YTHDC2: variants seen among roughly 807,000 people sequenced by gnomAD.
The protein encoded by YTHDC2 is YTH N6-methyladenosine RNA binding protein C2.
Under a neutral mutation model 174.9 loss-of-function variants are expected in YTHDC2, and 45 were observed. That is an observed-to-expected ratio of 0.26 (90% CI 0.20 to 0.33). The LOEUF is 0.33. YTHDC2 is among the 10% of genes least tolerant of loss of function. YTHDC2 has a pLI of 1.00. For synonymous variants in YTHDC2, 657 were observed against 574.5 expected, an observed-to-expected ratio of 1.14 and a Z score of -2.05; for missense variants, 1,650 against 1,723.7, an observed-to-expected ratio of 0.96 and a Z score of 0.76.
chr5:113,578,628 G>A (rs974503796), intron 23 of YTHDC2, among the ~76,000 whole-genome samples: 1 of 152,064 alleles, frequency 6.6e-6, no homozygotes, highest in African/African-American at 2.4e-5. Context: ...AGGCTGACCT[G>A]TAGGGTTTGT....
chr5:113,548,900 A>T, intron 11 of YTHDC2, 55 bp from the exon 12 acceptor site: 1 of 1,539,462 alleles, frequency 6.5e-7, no homozygotes, highest in Non-Finnish European at 8.8e-7. Context: ...CAGGCTCATC[A>T]TGAACTAGTT....
chr5:113,563,913 G>C lies in YTHDC2; in HGVS notation c.2497G>C (p.Ala833Pro). 6.2e-7 allele frequency: 1 copy of C among 1,614,082 alleles called. No individual in the cohort carries two copies. The highest frequency in any genetic ancestry group is 8.5e-7 in the Non-Finnish European group (1 of 1,180,016). The change falls in exon 20 of 30, where the codon GCT (alanine) becomes CCT (proline). Residue 833 changes from alanine to proline, a missense_variant. Around this residue, in one of 5 missense-constraint regions of YTHDC2, gnomAD observed 913 missense variants for 940.4 expected, o/e 0.97. Transcript: ENST00000161863. ...EDLTELGYHL[A>P]DLPVEPHLGK... The stretch of plus-strand genomic sequence containing the variant: ...TCTGACTGAACTTGGGTATCATTTG[G>C]CTGACTTGCCAGTAGAACCACATCT...
intron 2 of YTHDC2, among the ~76,000 whole-genome samples, chr5:113,519,995 G>C (rs1449160084): frequency 1.3e-5 from 2 of 152,122 alleles, no homozygotes; most frequent in African/African-American, 2.4e-5. Flanking sequence ...CAACTCATCA[G>C]CTAGGTTTTA....
rs142582642 is a variant in YTHDC2 at position 113,553,294 on chromosome 5, A to G, written c.1802A>G (p.Asp601Gly). 1.2e-6 allele frequency: 2 copies of G among 1,611,722 alleles called. No homozygotes were observed. The highest frequency in any genetic ancestry group is 2.7e-5 in the African/African-American group (2 of 74,704). Reference sequence around the variant, plus strand: ...AAAGCTTATCATCATAGTTTCGATGATGAAAAAGTAGACTTGGATTTGATC... The same window carrying G: ...AAAGCTTATCATCATAGTTTCGATGGTGAAAAAGTAGACTTGGATTTGATC... ...LLKAYHHSFD[D>G]EKVDLDLIMH... The change falls in exon 13 of 30, where the codon GAT becomes GGT. Residue 601 changes from aspartate to glycine, a missense_variant. Around this residue, in one of 5 missense-constraint regions of YTHDC2, gnomAD observed 411 missense variants for 380.6 expected, o/e 1.08. Transcript: ENST00000161863.
chr5:113,561,815 A>G (rs1038847392), intron 18 of YTHDC2, among the ~76,000 whole-genome samples: 3 of 151,994 alleles, frequency 2.0e-5, no homozygotes, highest in African/African-American at 7.3e-5. Flanking sequence ...TATAGTGTTC[A>G]CCTTTTAAGT....
chr5:113,544,504 G>A (rs950319747), intron 10 of YTHDC2, among the ~76,000 whole-genome samples: 9 of 152,096 alleles, frequency 5.9e-5, no homozygotes, highest in Non-Finnish European at 8.8e-5. Flanking sequence ...GTTGGAACAT[G>A]TTTAGTGACA....
At chr5:113,517,550 C>T (rs912602609) in intron 2 of YTHDC2, 17 of 455,860 alleles carry the variant, frequency 3.7e-5, no homozygotes, top group African/African-American at 1.4e-4. Flanking sequence ...ATGGGGAATG[C>T]GGAAACATTG....
chr5:113,578,139 G>A (rs1778178487), intron 23 of YTHDC2, among the ~76,000 whole-genome samples: 1 of 151,988 alleles, frequency 6.6e-6, no homozygotes, highest in Admixed American at 6.6e-5. Flanking sequence ...TTTAATAAAA[G>A]TGTCCCTTTT....
chr5:113,529,124 T>G (rs888626130), intron 4 of YTHDC2, among the ~76,000 whole-genome samples: 1 of 152,216 alleles, frequency 6.6e-6, no homozygotes, highest in African/African-American at 2.4e-5. Context: ...AACATTTTTG[T>G]TATGATAATA....
intron 21 of YTHDC2, among the ~76,000 whole-genome samples, chr5:113,566,861 A>G (rs180758032): frequency 1.6e-3 from 234 of 142,186 alleles, no homozygotes; most frequent in Non-Finnish European, 3.0e-3. Flanking sequence ...TGATTCTTAT[A>G]CTTAATCTAA....
In YTHDC2 at chr5:113,553,912, T is replaced by A. The variant is rs1776435488; in HGVS notation, c.2053-30T>A. On this transcript the variant is annotated intron_variant, in intron 15 of 29. Coordinates refer to ENST00000161863, the MANE Select transcript of YTHDC2 (RefSeq NM_022828.5). The stretch of plus-strand genomic sequence containing the variant: ...TCATTAGTTATTTTTTCTGTTTTTT[T>A]ATTAACTTTAAAGTAATATCTTGTT... The A allele has an allele frequency of 5.1e-6, 8 of 1,583,600 alleles. 1 individual carries two copies. Among genetic ancestry groups the A allele is most frequent in the South Asian group, 2.4e-5 (2 of 84,536 alleles).
intron 23 of YTHDC2, among the ~76,000 whole-genome samples, chr5:113,569,403 C>CATG (rs1777570606): frequency 6.6e-6 from 1 of 152,182 alleles, no homozygotes; most frequent in Admixed American, 6.5e-5. Flanking sequence ...GCGTTTTTAT[C>CATG]ATGAAATCTT....
At chr5:113,591,729 TA>T (rs35168357) in intron 27 of YTHDC2, among the ~76,000 whole-genome samples, 1 of 152,110 alleles carries the variant, frequency 6.6e-6, no homozygotes, top group African/African-American at 2.4e-5. Context: ...TATCATGGAA[TA>T]AAAATATGGA....
chr5:113,535,198 T>C (rs913617644), intron 6 of YTHDC2, among the ~76,000 whole-genome samples: 15 of 152,204 alleles, frequency 9.9e-5, no homozygotes, highest in Non-Finnish European at 2.1e-4. Flanking sequence ...TGTGTGTCTG[T>C]TGAACATGTA....
At position 113,577,632 on chromosome 5, in the gene YTHDC2, AG is replaced by A. The variant is rs1263443867; in HGVS notation, c.3245-1953del. Reference sequence around the variant, plus strand: ...CAATCTGCTCACCTCGGTCTCCCAAAGTGTTGGGATTACAGGCGTGAGCCAC... The same window carrying A: ...CAATCTGCTCACCTCGGTCTCCCAAATGTTGGGATTACAGGCGTGAGCCAC... On this transcript the variant is annotated intron_variant, in intron 23 of 29. Transcript: ENST00000161863. Among the ~76,000 whole-genome samples the A allele has an allele frequency of 2.0e-5, 3 of 152,162 alleles. No homozygotes were observed. The East Asian group carries it at 5.8e-4, about 29-fold the overall frequency.
chr5:113,563,030 A>C (rs1158262763), intron 18 of YTHDC2, among the ~76,000 whole-genome samples: 1 of 151,516 alleles, frequency 6.6e-6, no homozygotes, highest in Non-Finnish European at 1.5e-5. Context: ...TGAGTAGATA[A>C]AATATTCTAG....
chr5:113,582,824 G>C (rs1417849143), intron 25 of YTHDC2: 1 of 152,076 alleles, frequency 6.6e-6, no homozygotes, highest in East Asian at 1.9e-4. Context: ...ATGTTCTTCA[G>C]ATATTACATT....
At chr5:113,554,922 AATG>A (rs1290882941) in intron 16 of YTHDC2, among the ~76,000 whole-genome samples, 1 of 152,034 alleles carries the variant, frequency 6.6e-6, no homozygotes, top group Non-Finnish European at 1.5e-5. Flanking sequence ...AGTGGATAAA[AATG>A]ATCGTTTTTA....
intron 10 of YTHDC2, among the ~76,000 whole-genome samples, chr5:113,545,027 T>TA (rs1775759683): frequency 6.6e-6 from 1 of 152,218 alleles, no homozygotes; most frequent in Non-Finnish European, 1.5e-5. Flanking sequence ...GAGCTTGAGA[T>TA]ATTCTGTTTA....
Sources: allele counts gnomAD v4.1 joint callset (sites outside exome capture counted in the v4.1 genomes callset), GRCh38; gene constraint gnomAD v4.1.1; regional missense constraint gnomAD v4.1.1; transcripts MANE v1.5; gene names NCBI Gene and HGNC (gene_info 2026-07-23, HGNC 2026-07-21).